Variants in NUP214 observed in about 807,000 individuals in gnomAD.
The protein encoded by NUP214 is nuclear pore complex protein Nup214.
In NUP214, 79 loss-of-function variants were observed where a neutral mutation model predicts 196.2. The ratio of observed to expected loss-of-function variants is 0.40; its 90% CI spans 0.34 to 0.49. NUP214 has a LOEUF of 0.49. Ranked by LOEUF, NUP214 falls within the 20% of genes least tolerant of loss-of-function variation. The pLI is 0.58. For synonymous variants in NUP214, 1,020 were observed against 990.5 expected (o/e 1.03, Z -0.56); for missense variants, 2,468 against 2,539.0 (o/e 0.97, Z 0.60).
intron 24 of NUP214, among the ~76,000 whole-genome samples, chr9:131,182,138 C>G (rs1467569261): frequency 6.6e-6 from 1 of 152,184 alleles, no homozygotes; most frequent in Non-Finnish European, 1.5e-5. Flanking sequence ...TGTGAATGTA[C>G]TTAGTATCAC....
rs186952419 is a variant in NUP214 at position 131,220,715 on chromosome 9, G to A, written c.5750-2063G>A. Among the ~76,000 whole-genome samples, 3 of 152,326 alleles carry A rather than the reference G, an allele frequency of 2.0e-5. No homozygotes were observed. The East Asian group carries it at 5.8e-4, about 29-fold the overall frequency. On this transcript the variant is annotated intron_variant, in intron 31 of 35. Transcript: ENST00000359428. Reference sequence around the variant, plus strand: ...CCTGTTCTGTGTGTGGGGAAACTGGGACTTAGGATAGTTAAGTCCTTGCCC... The same window carrying A: ...CCTGTTCTGTGTGTGGGGAAACTGGAACTTAGGATAGTTAAGTCCTTGCCC...
chr9:131,138,339 C>T (rs1356957961), intron 9 of NUP214, among the ~76,000 whole-genome samples: 1 of 151,972 alleles, frequency 6.6e-6, no homozygotes, highest in African/African-American at 2.4e-5. Context: ...CTGCCTCAGC[C>T]TCCCAAGTAG....
At chr9:131,166,464 G>T (rs889526881) in intron 21 of NUP214, among the ~76,000 whole-genome samples, 3 of 152,170 alleles carry the variant, frequency 2.0e-5, no homozygotes, top group Admixed American at 2.0e-4. Context: ...CCCACATGAA[G>T]CTTTTCATTT....
intron 31 of NUP214, among the ~76,000 whole-genome samples, chr9:131,219,283 C>T (rs1302327305): frequency 2.6e-5 from 4 of 152,226 alleles, no homozygotes; most frequent in Admixed American, 1.3e-4. Flanking sequence ...AGTCCAGCTG[C>T]GTTTCCCGAG....
chr9:131,187,128 A>G, intron 24 of NUP214, 161 bp from the exon 25 acceptor site: 1 of 596,812 alleles, frequency 1.7e-6, no homozygotes, highest in East Asian at 2.8e-5. Flanking sequence ...TTTAAAATTT[A>G]TCCTTCAAAA....
At chr9:131,192,042 G>T (rs1833615797) in intron 26 of NUP214, 166 bp from the exon 27 acceptor site, 8 of 476,108 alleles carry the variant, frequency 1.7e-5, no homozygotes, top group Non-Finnish European at 3.7e-6. Context: ...CACAAGTGAG[G>T]CAACGTGCTC....
Position 131,232,186 on chromosome 9 carries a change from C to T in NUP214, c.6215-98C>T, listed in dbSNP as rs1834898262. 2 of 1,324,634 alleles carry T rather than the reference C, an allele frequency of 1.5e-6. No individual in the cohort carries two copies. Among genetic ancestry groups the T allele is most frequent in the African/African-American group, 2.9e-5 (2 of 69,254 alleles). The allele number at this position is 1,324,634 out of a possible 1,614,324, so 82.1% of individuals were successfully genotyped here. A position where few individuals can be genotyped will look rare whatever the true frequency, so the allele number is the denominator to read the frequency against. ...GGTGGTGGAGGCACGGAGGGCTTCCCACAAGAAGCACAGAGGAGGGCAGAC... is the reference window on the plus strand; with the variant it reads ...GGTGGTGGAGGCACGGAGGGCTTCCTACAAGAAGCACAGAGGAGGGCAGAC... On this transcript the variant is annotated intron_variant, in intron 34 of 35. Coordinates refer to ENST00000359428, the MANE Select transcript of NUP214 (RefSeq NM_005085.4). This position sits in a 1 kb window ranked among gnomAD's most constrained non-coding sequence, Gnocchi z 5.1.
chr9:131,230,820 T>C (rs758185518), intron 34 of NUP214, 51 bp downstream of exon 34: 20 of 1,578,186 alleles, frequency 1.3e-5, no homozygotes, highest in Admixed American at 1.8e-5. Context: ...CCCTCTTGCC[T>C]TCTCCCCCAA....
chr9:131,188,143 C>T (rs1400757037), intron 25 of NUP214, among the ~76,000 whole-genome samples: 1 of 152,178 alleles, frequency 6.6e-6, no homozygotes, highest in Non-Finnish European at 1.5e-5. Context: ...CTGTCCATTG[C>T]TCGTTTCACT....
At chr9:131,127,949 G>T (rs1263891126) in intron 2 of NUP214, among the ~76,000 whole-genome samples, 2 of 152,200 alleles carry the variant, frequency 1.3e-5, no homozygotes. Context: ...TAACCATTAT[G>T]CCATGCTTTT....
At position 131,197,407 on chromosome 9, in the gene NUP214, A is replaced by C. The variant is rs972673132; in HGVS notation, c.3913A>C (p.Thr1305Pro). The C allele has an allele frequency of 1.2e-6, 2 of 1,614,048 alleles. No homozygotes were observed. The highest frequency in any genetic ancestry group is 1.7e-6 in the Non-Finnish European group (2 of 1,180,016). The change falls in exon 29 of 36, where the codon ACC becomes CCC. Residue 1305 changes from threonine (T) to proline (P), a missense_variant. By Grantham distance (38) the Thr-to-Pro change is conservative (BLOSUM62 -1). Coordinates refer to ENST00000359428, the MANE Select transcript of NUP214 (RefSeq NM_005085.4). ...PVAPSGTALS[T>P]TSSKLETPPS... ...GGCACCTTCTGGAACTGCTCTTTCCACCACCTCTAGTAAGCTGGAAACCCC... is the reference window on the plus strand; with the variant it reads ...GGCACCTTCTGGAACTGCTCTTTCCCCCACCTCTAGTAAGCTGGAAACCCC...
intron 17 of NUP214, among the ~76,000 whole-genome samples, chr9:131,154,015 A>G (rs992903702): frequency 6.6e-6 from 1 of 152,218 alleles, no homozygotes; most frequent in African/African-American, 2.4e-5. Flanking sequence ...GGTGGGCACA[A>G]TTGGGAGGGC....
intron 27 of NUP214, 122 bp downstream of exon 27, chr9:131,192,414 G>A: frequency 1.9e-6 from 1 of 534,584 alleles, no homozygotes; most frequent in Non-Finnish European, 3.2e-6. Context: ...TACCGTGGCA[G>A]TAATACATGT....
At chr9:131,156,571 G>GT (rs1832453795) in intron 17 of NUP214, among the ~76,000 whole-genome samples, 7 of 133,430 alleles carry the variant, frequency 5.2e-5, no homozygotes, top group Admixed American at 1.5e-4. Context: ...TTTTTTTTTT[G>GT]TTCTTTTTTT....
chr9:131,186,850 C>G (rs1306730452), intron 24 of NUP214, among the ~76,000 whole-genome samples: 1 of 152,158 alleles, frequency 6.6e-6, no homozygotes, highest in African/African-American at 2.4e-5. Flanking sequence ...AAGCTAAGAT[C>G]TCTTTGGATA....
intron 25 of NUP214, 107 bp downstream of exon 25, chr9:131,187,471 C>G: frequency 3.9e-6 from 3 of 778,744 alleles, no homozygotes; most frequent in Non-Finnish European, 6.2e-6. Flanking sequence ...ACCGCAACCT[C>G]TGCCTCCTGG....
chr9:131,230,661 G>A lies in NUP214; in HGVS notation c.6106G>A (p.Gly2036Ser), dbSNP rs142328071. 8.8e-4 allele frequency: 1,424 copies of A among 1,613,940 alleles called. No individual in the cohort carries two copies. Among genetic ancestry groups the A allele is most frequent in the Non-Finnish European group, 1.1e-3 (1,327 of 1,180,014 alleles). The change falls in exon 34 of 36, where the codon GGC becomes AGC. Residue 2036 changes from glycine (G) to serine (S), a missense_variant. Around this residue, in one of 5 missense-constraint regions of NUP214, gnomAD observed 262 missense variants for 296.5 expected, o/e 0.88. Coordinates refer to ENST00000359428, the MANE Select transcript of NUP214 (RefSeq NM_005085.4). ...FGSSSNTTSF[G>S]TLASQNAPTF... is the part of the protein sequence containing the mutation. ...GAGCAGCAGCAACACCACATCCTTC[G>A]GCACGCTCGCGAGTCAGAATGCCCC...
At chr9:131,144,934 A>G (rs1163699808) in intron 12 of NUP214, among the ~76,000 whole-genome samples, 180 bp downstream of exon 12, 2 of 152,220 alleles carry the variant, frequency 1.3e-5, no homozygotes, top group South Asian at 2.1e-4. Context: ...CAGTGAATAG[A>G]GTCCAGAAGG....
chr9:131,216,136 C>T (rs1206145266), intron 31 of NUP214, among the ~76,000 whole-genome samples: 2 of 151,686 alleles, frequency 1.3e-5, no homozygotes, highest in Non-Finnish European at 2.9e-5. Flanking sequence ...CTTCTCCGCC[C>T]GCCTCGGCCT....
Sources: gnomAD v4.1 joint callset for allele counts (sites outside exome capture counted in the v4.1 genomes callset) on GRCh38, gnomAD v4.1.1 for gene constraint, gnomAD v4.1.1 regional missense constraint, Gnocchi (gnomAD v3.1) non-coding constraint, MANE v1.5 for transcripts, NCBI Gene and HGNC (gene_info 2026-07-23, HGNC 2026-07-21) for gene names.